Variants in KIF9 observed in about 807,000 individuals in gnomAD.
KIF9 encodes kinesin family member 9.
In KIF9, 68 loss-of-function variants were observed where a neutral mutation model predicts 94.8. The observed-to-expected ratio is 0.72, with a 90% CI of 0.59 to 0.88. The LOEUF (loss-of-function observed/expected upper bound fraction) is 0.88, where lower values mean the gene tolerates loss of function less well. Ranked by LOEUF, KIF9 falls within the 40% of genes least tolerant of loss-of-function variation. The pLI is 0.00. For synonymous variants in KIF9, 343 were observed against 362.1 expected, an observed-to-expected ratio of 0.95 and a Z score of 0.60; for missense variants, 882 against 982.5, an observed-to-expected ratio of 0.90 and a Z score of 1.37.
intron 16 of KIF9, among the ~76,000 whole-genome samples, chr3:47,242,008 TG>T (rs1198005838): frequency 6.6e-6 from 1 of 151,426 alleles, no homozygotes. Context: ...CTCAGCCTCC[TG>T]AGTAGCTCGG....
chr3:47,230,499 G>T lies in KIF9; in HGVS notation c.2323-1797C>A, dbSNP rs141858599. On this transcript the variant is annotated intron_variant, in intron 20 of 20. Transcript: ENST00000684063. The stretch of plus-strand genomic sequence containing the variant: ...TGTAATCCCAGCACTTTGGGAGGTC[G>T]AGGCGGGTGGATCACCCGAGGTCGG... 6.8e-4 allele frequency among the ~76,000 whole-genome samples: 103 copies of T among 150,696 alleles called. No individual in the cohort carries two copies. In the East Asian group the frequency reaches 0.019, roughly 28 times the overall value.
intron 16 of KIF9, among the ~76,000 whole-genome samples, chr3:47,241,409 C>T (rs12495173): frequency 0.038 from 5,798 of 151,742 alleles, 261 homozygotes; most frequent in East Asian, 0.13. Flanking sequence ...GCAACCCCCA[C>T]CTCCTAGGTT....
In KIF9 at chr3:47,240,817, T is replaced by C. The variant is rs1419452687; in HGVS notation, c.1908A>G (p.Ser636=). Reference sequence around the variant, plus strand: ...CACATTTACCTTGCTTCTCCCGTAGTGACTTCTGGAAATTCAGGGCCTCCT... The same window carrying C: ...CACATTTACCTTGCTTCTCCCGTAGCGACTTCTGGAAATTCAGGGCCTCCT... ...VTKEALNFQK[S]LREKQGKYEN... The change falls in exon 17 of 21, where the codon TCA becomes TCG. Residue 636 remains serine, a synonymous_variant. Coordinates refer to ENST00000684063, the MANE Select transcript of KIF9 (RefSeq NM_182902.4). 1.2e-6 allele frequency: 2 copies of C among 1,613,960 alleles called. No individual in the cohort carries two copies. Among genetic ancestry groups the C allele is most frequent in the African/African-American group, 1.3e-5 (1 of 74,922 alleles).
intron 19 of KIF9, 125 bp from the exon 20 acceptor site, chr3:47,235,742 C>A: frequency 5.4e-6 from 4 of 736,598 alleles, no homozygotes; most frequent in Non-Finnish European, 9.4e-6. Context: ...ACCAAAAGGG[C>A]ATCTCACAGC....
At chr3:47,243,347 A>G in intron 15 of KIF9, 102 bp from the exon 16 acceptor site, 1 of 914,420 alleles carries the variant, frequency 1.1e-6, no homozygotes, top group East Asian at 2.7e-5. Flanking sequence ...TGGGAACCCC[A>G]CCTCATTCAG....
chr3:47,271,526 G>C, intron 4 of KIF9, 65 bp from the exon 5 acceptor site: 3 of 1,186,568 alleles, frequency 2.5e-6, no homozygotes, highest in Non-Finnish European at 3.8e-6. Context: ...GCATAAGGGG[G>C]GCTTCCTAAC....
At chr3:47,250,521 C>T in intron 10 of KIF9, 1 of 426,600 alleles carries the variant, frequency 2.3e-6, no homozygotes, top group Admixed American at 2.4e-5. Context: ...CTTTTTTTTT[C>T]AGATCAGACG....
chr3:47,277,391 G>A lies in KIF9; in HGVS notation c.-5-12C>T. The A allele has an allele frequency of 1.3e-6, 2 of 1,587,936 alleles. No homozygotes were observed. The highest frequency in any genetic ancestry group is 1.7e-4 in the Middle Eastern group (1 of 6,010). Reference sequence around the variant, plus strand: ...AGTACCCATTCTAGCTAAAAAGAAGGGAACAATGAAATTTTGAGTAGTCAT... The same window carrying A: ...AGTACCCATTCTAGCTAAAAAGAAGAGAACAATGAAATTTTGAGTAGTCAT... On this transcript the variant is annotated splice_polypyrimidine_tract_variant and intron_variant, in intron 1 of 20. Coordinates refer to ENST00000684063, the MANE Select transcript of KIF9 (RefSeq NM_182902.4).
chr3:47,244,580 G>A (rs377084871), intron 15 of KIF9: 5 of 609,582 alleles, frequency 8.2e-6, no homozygotes, highest in South Asian at 5.9e-5. Flanking sequence ...CACCTCACCA[G>A]GTTGCTGTGA....
At chr3:47,253,181 A>G (rs1035192255) in intron 10 of KIF9, among the ~76,000 whole-genome samples, 1 of 151,912 alleles carries the variant, frequency 6.6e-6, no homozygotes, top group Non-Finnish European at 1.5e-5. Flanking sequence ...GTTTAGACAG[A>G]TTCTCCCTCT....
chr3:47,261,776 G>A (rs1700988947), intron 9 of KIF9, among the ~76,000 whole-genome samples: 1 of 152,176 alleles, frequency 6.6e-6, no homozygotes. Context: ...CTCACAGCGA[G>A]CCCTCAAGAA....
At chr3:47,232,342 T>C (rs900500440) in intron 20 of KIF9, among the ~76,000 whole-genome samples, 1 of 152,080 alleles carries the variant, frequency 6.6e-6, no homozygotes, top group Admixed American at 6.6e-5. Flanking sequence ...TGGAGTGCAG[T>C]GGTGCGATCT....
intron 4 of KIF9, among the ~76,000 whole-genome samples, chr3:47,272,941 A>G (rs1279519512): frequency 6.6e-6 from 1 of 152,230 alleles, no homozygotes; most frequent in Non-Finnish European, 1.5e-5. Flanking sequence ...TTCTTATAGG[A>G]CAGGGCTGTA....
intron 9 of KIF9, among the ~76,000 whole-genome samples, chr3:47,262,061 C>T (rs1476109589): frequency 2.0e-5 from 3 of 152,180 alleles, no homozygotes; most frequent in African/African-American, 7.2e-5. Flanking sequence ...CTCTGGGTTC[C>T]GTCCTGGGCA....
intron 12 of KIF9, among the ~76,000 whole-genome samples, chr3:47,246,838 G>A (rs1341990848): frequency 6.6e-6 from 1 of 152,174 alleles, no homozygotes; most frequent in Non-Finnish European, 1.5e-5. Context: ...AGCCAGGGGG[G>A]TCTGCCCATG....
intron 5 of KIF9, among the ~76,000 whole-genome samples, chr3:47,270,374 C>T (rs915533211): frequency 6.6e-6 from 1 of 151,900 alleles, no homozygotes; most frequent in African/African-American, 2.4e-5. Flanking sequence ...CTGCCTCAGC[C>T]TCCCTAGTAG....
intron 9 of KIF9, among the ~76,000 whole-genome samples, chr3:47,258,174 T>A (rs1329423777): frequency 6.6e-6 from 1 of 152,248 alleles, no homozygotes; most frequent in Non-Finnish European, 1.5e-5. Context: ...GTAAAAATAA[T>A]TTTAATATGT....
At chr3:47,250,693 T>C (rs11130124) in intron 10 of KIF9, 152,625 of 268,470 alleles carry the variant, frequency 0.57, 44,266 homozygotes, top group Non-Finnish European at 0.59. Flanking sequence ...CATCTGAGTG[T>C]CTTCCCTAAA....
intron 1 of KIF9, 110 bp downstream of exon 1, chr3:47,282,385 G>A (rs1576115861): frequency 1.0e-6 from 1 of 986,270 alleles, no homozygotes; most frequent in African/African-American, 1.7e-5. Flanking sequence ...GAGCGACCCA[G>A]CTGGGAACCC....
Sources: allele counts gnomAD v4.1 joint callset (sites outside exome capture counted in the v4.1 genomes callset), GRCh38; gene constraint gnomAD v4.1.1; transcripts MANE v1.5; gene names NCBI Gene and HGNC (gene_info 2026-07-23, HGNC 2026-07-21).